Variants in LINGO2 observed in about 807,000 individuals in gnomAD.
The protein encoded by LINGO2 is leucine rich repeat and Ig domain containing 2.
LINGO2 carries 14 observed loss-of-function variants against 30.6 expected under a neutral mutation model. The observed-to-expected ratio is 0.46, with a 90% CI of 0.30 to 0.72. The LOEUF (loss-of-function observed/expected upper bound fraction) is 0.72, where lower values mean the gene tolerates loss of function less well. LINGO2 is among the 30% of genes least tolerant of loss of function. The pLI is 0.07. For synonymous variants in LINGO2, 317 were observed against 288.5 expected, an observed-to-expected ratio of 1.10 and a Z score of -1.00; for missense variants, 729 against 751.7, an observed-to-expected ratio of 0.97 and a Z score of 0.35.
At chr9:28,191,075 T>A (rs963150015) in intron 4 of LINGO2, among the ~76,000 whole-genome samples, 2 of 152,324 alleles carry the variant, frequency 1.3e-5, no homozygotes, top group Middle Eastern at 3.4e-3. Context: ...TGTTTCTTAA[T>A]TTCTTTAAAA....
intron 4 of LINGO2, among the ~76,000 whole-genome samples, chr9:28,139,877 A>G (rs975640223): frequency 3.3e-5 from 5 of 152,172 alleles, no homozygotes; most frequent in Admixed American, 1.3e-4. Context: ...TCCCTTACTA[A>G]TCCTCTTGGA....
the LINGO2 span, among the ~76,000 whole-genome samples, chr9:28,841,910 C>T: frequency 6.6e-6 from 1 of 151,746 alleles, no homozygotes; most frequent in African/African-American, 2.4e-5. Flanking sequence ...AACCGCCTTC[C>T]TCATTTAGAT....
At chr9:28,219,385 A>G (rs1820881213) in intron 4 of LINGO2, among the ~76,000 whole-genome samples, 1 of 152,200 alleles carries the variant, frequency 6.6e-6, no homozygotes, top group Admixed American at 6.5e-5. Flanking sequence ...AATGATGGAT[A>G]TGCTTGCCTT....
chr9:29,117,474 A>G, the LINGO2 span, among the ~76,000 whole-genome samples: 31 of 152,328 alleles, frequency 2.0e-4, no homozygotes, highest in South Asian at 6.4e-3. Context: ...ACTGGTTTAG[A>G]CTGATCCTAC....
intron 1 of LINGO2, among the ~76,000 whole-genome samples, chr9:28,492,553 T>A (rs940998333): frequency 6.6e-6 from 1 of 152,196 alleles, no homozygotes; most frequent in Non-Finnish European, 1.5e-5. Context: ...TGGTTGTTTT[T>A]GTTAAAAGTA....
the LINGO2 span, among the ~76,000 whole-genome samples, chr9:28,861,223 T>C: frequency 8.8e-6 from 1 of 113,672 alleles, no homozygotes. Context: ...TATAATATTA[T>C]ATAAATATAT....
chr9:29,034,125 A>T, the LINGO2 span, among the ~76,000 whole-genome samples: 1 of 152,134 alleles, frequency 6.6e-6, no homozygotes, highest in Non-Finnish European at 1.5e-5. Context: ...TTTGTTAAAT[A>T]GATGTATGAA....
chr9:29,135,511 T>A, the LINGO2 span, among the ~76,000 whole-genome samples: 1 of 150,926 alleles, frequency 6.6e-6, no homozygotes, highest in East Asian at 2.0e-4. Flanking sequence ...TGAGCCGGGA[T>A]TGCACCACTG....
intron 2 of LINGO2, among the ~76,000 whole-genome samples, chr9:28,390,417 C>G (rs560319073): frequency 1.3e-5 from 2 of 152,244 alleles, no homozygotes; most frequent in African/African-American, 2.4e-5. Flanking sequence ...AGTTATATCA[C>G]TTTGTGTATC....
chr9:29,188,162 G>T, the LINGO2 span, among the ~76,000 whole-genome samples: 1 of 151,198 alleles, frequency 6.6e-6, no homozygotes, highest in Non-Finnish European at 1.5e-5. Context: ...AGAGGACCCT[G>T]CGGCCTTCCG....
the LINGO2 span, among the ~76,000 whole-genome samples, chr9:29,199,172 G>C: frequency 6.6e-6 from 1 of 152,044 alleles, no homozygotes; most frequent in Non-Finnish European, 1.5e-5. Flanking sequence ...AGTGTCTAAA[G>C]GAAAAGAAAG....
chr9:28,104,053 A>G (rs147102128), intron 4 of LINGO2, among the ~76,000 whole-genome samples: 1 of 152,020 alleles, frequency 6.6e-6, no homozygotes, highest in Non-Finnish European at 1.5e-5. Flanking sequence ...AAAGGGGGAA[A>G]AAAACTCCTA....
At chr9:28,687,411 G>T in the LINGO2 span, among the ~76,000 whole-genome samples, 1 of 152,196 alleles carries the variant, frequency 6.6e-6, no homozygotes, top group African/African-American at 2.4e-5. Flanking sequence ...AAACAGTCAT[G>T]CCAAGTGAAA....
intron 1 of LINGO2, among the ~76,000 whole-genome samples, chr9:28,552,670 C>T (rs1483914852): frequency 6.7e-6 from 1 of 148,816 alleles, no homozygotes; most frequent in Non-Finnish European, 1.5e-5. Flanking sequence ...AATTCCTATG[C>T]TATATTTTCT....
the LINGO2 span, among the ~76,000 whole-genome samples, chr9:29,093,072 C>A: frequency 8.9e-6 from 1 of 112,106 alleles, no homozygotes; most frequent in Non-Finnish European, 1.8e-5. Context: ...GAGAGAGAGA[C>A]AGAGAGAGGG....
intron 4 of LINGO2, among the ~76,000 whole-genome samples, chr9:28,291,890 T>C (rs1432047099): frequency 1.3e-5 from 2 of 152,136 alleles, no homozygotes; most frequent in Non-Finnish European, 2.9e-5. Flanking sequence ...AAATTACCAT[T>C]AGGCAAGTCA....
intron 1 of LINGO2, among the ~76,000 whole-genome samples, chr9:28,662,168 AT>A (rs1162807377): frequency 6.6e-6 from 1 of 152,148 alleles, no homozygotes; most frequent in East Asian, 1.9e-4. Context: ...TCATAAAAAG[AT>A]TCCAAGGATG....
the LINGO2 span, among the ~76,000 whole-genome samples, chr9:29,126,895 T>G: frequency 6.6e-6 from 1 of 152,096 alleles, no homozygotes; most frequent in African/African-American, 2.4e-5. Context: ...GATCAGAGGC[T>G]ACTCCCTTTG....
In LINGO2 at chr9:28,660,750, C is replaced by G. The variant is rs1828553194; in HGVS notation, c.-365+9450G>C. 1.3e-5 allele frequency among the ~76,000 whole-genome samples: 2 copies of G among 151,996 alleles called. 1 individual carries two copies. Among genetic ancestry groups the G allele is most frequent in the Non-Finnish European group, 2.9e-5 (2 of 67,978 alleles). On this transcript the variant is annotated intron_variant, in intron 1 of 5. Coordinates refer to ENST00000379992, the Ensembl canonical transcript of LINGO2. Reference sequence around the variant, plus strand: ...GCATTGTATACTTTCACCTACCCATCATATATTTTAAAATGTTTGTTTCCC... The same window carrying G: ...GCATTGTATACTTTCACCTACCCATGATATATTTTAAAATGTTTGTTTCCC...
Sources: allele counts gnomAD v4.1 joint callset (sites outside exome capture counted in the v4.1 genomes callset), GRCh38; gene constraint gnomAD v4.1.1; transcripts MANE v1.5; gene names NCBI Gene and HGNC (gene_info 2026-07-23, HGNC 2026-07-21).